MGAT4C: variants seen among roughly 807,000 people sequenced by gnomAD.
MGAT4C encodes alpha-1,3-mannosyl-glycoprotein 4-beta-N-acetylglucosaminyltransferase C.
A neutral mutation model predicts 40.1 loss-of-function variants in MGAT4C; 19 were observed. That is an observed-to-expected ratio of 0.47 (90% CI 0.33 to 0.70). The LOEUF (loss-of-function observed/expected upper bound fraction) is 0.70, where lower values mean the gene tolerates loss of function less well. Ranked by LOEUF, MGAT4C falls within the 30% of genes least tolerant of loss-of-function variation. The pLI is 0.02. For missense variants in MGAT4C, 491 were observed against 563.2 expected, an observed-to-expected ratio of 0.87 and a Z score of 1.30; for synonymous variants, 181 against 187.1, an observed-to-expected ratio of 0.97 and a Z score of 0.27.
At chr12:85,988,577 T>A (rs1885513918) in intron 3 of MGAT4C, among the ~76,000 whole-genome samples, 1 of 151,952 alleles carries the variant, frequency 6.6e-6, no homozygotes, top group Admixed American at 6.6e-5. Context: ...TAAATATTAA[T>A]AATAACATAC....
intron 2 of MGAT4C, among the ~76,000 whole-genome samples, chr12:86,036,840 A>C (rs915745041): frequency 1.3e-5 from 2 of 149,568 alleles, no homozygotes; most frequent in Non-Finnish European, 3.0e-5. Flanking sequence ...CCCTTTTTCT[A>C]TTGTTTGGAA....
At chr12:86,496,887 T>A (rs1958245457) in intron 2 of MGAT4C, among the ~76,000 whole-genome samples, 1 of 152,128 alleles carries the variant, frequency 6.6e-6, no homozygotes, top group African/African-American at 2.4e-5. Flanking sequence ...ACCTACTACC[T>A]ATATGGGTCT....
intron 2 of MGAT4C, among the ~76,000 whole-genome samples, chr12:86,692,601 G>A (rs770083747): frequency 5.9e-5 from 9 of 152,012 alleles, no homozygotes; most frequent in Non-Finnish European, 1.3e-4. Flanking sequence ...TAGTCACAGA[G>A]GTATATGACC....
At chr12:86,095,365 T>G (rs1330070006) in intron 1 of MGAT4C, among the ~76,000 whole-genome samples, 1 of 152,076 alleles carries the variant, frequency 6.6e-6, no homozygotes, top group Non-Finnish European at 1.5e-5. Flanking sequence ...TGGTTCTGAA[T>G]GCATATTTAA....
intron 4 of MGAT4C, among the ~76,000 whole-genome samples, chr12:86,318,222 T>G (rs1017795141): frequency 6.6e-6 from 1 of 152,288 alleles, no homozygotes; most frequent in African/African-American, 2.4e-5. Flanking sequence ...TTTTTTGTCA[T>G]TTTTCATATT....
At chr12:86,468,969 A>G (rs1442987520) in intron 2 of MGAT4C, among the ~76,000 whole-genome samples, 3 of 152,092 alleles carry the variant, frequency 2.0e-5, no homozygotes, top group African/African-American at 4.8e-5. Context: ...CTTTGTTTTC[A>G]TAACATAAAT....
intron 3 of MGAT4C, among the ~76,000 whole-genome samples, chr12:86,388,163 T>C (rs1259482167): frequency 6.6e-6 from 1 of 152,162 alleles, no homozygotes; most frequent in Non-Finnish European, 1.5e-5. Context: ...ATTAATAGAA[T>C]AGAGTTCTCA....
At chr12:86,508,922 T>C (rs1958521009) in intron 2 of MGAT4C, among the ~76,000 whole-genome samples, 1 of 151,266 alleles carries the variant, frequency 6.6e-6, no homozygotes, top group African/African-American at 2.4e-5. Flanking sequence ...TTTTTTCTTG[T>C]AAATTTGTTT....
At chr12:86,410,461 T>A (rs1176388378) in intron 3 of MGAT4C, among the ~76,000 whole-genome samples, 2 of 152,098 alleles carry the variant, frequency 1.3e-5, no homozygotes, top group Non-Finnish European at 2.9e-5. Flanking sequence ...CTCTCTGCAA[T>A]AAGAAAAAAT....
At chr12:86,280,350 T>C (rs1473526194) in intron 4 of MGAT4C, among the ~76,000 whole-genome samples, 3 of 152,002 alleles carry the variant, frequency 2.0e-5, no homozygotes, top group Non-Finnish European at 4.4e-5. Context: ...TTTATAATTA[T>C]TATATCCTGT....
chr12:86,277,655 C>T (rs117754725), intron 4 of MGAT4C, among the ~76,000 whole-genome samples: 5,028 of 152,248 alleles, frequency 0.033, 127 homozygotes, highest in Non-Finnish European at 0.046. Context: ...AAGAGACTGT[C>T]CTTTACCCAA....
At chr12:86,253,970 T>C (rs1952410978) in intron 1 of MGAT4C, among the ~76,000 whole-genome samples, 1 of 151,972 alleles carries the variant, frequency 6.6e-6, no homozygotes, top group Non-Finnish European at 1.5e-5. Flanking sequence ...CCCCAGCATA[T>C]GGAGTATGCA....
At chr12:86,502,864 CAT>C (rs761029198) in intron 2 of MGAT4C, among the ~76,000 whole-genome samples, 57 of 54,040 alleles carry the variant, frequency 1.1e-3, no homozygotes, top group Non-Finnish European at 1.3e-3. Context: ...GAGTTCTGCT[CAT>C]ATATATATAT....
chr12:86,623,844 A>G (rs1487264817), intron 2 of MGAT4C, among the ~76,000 whole-genome samples: 2 of 152,180 alleles, frequency 1.3e-5, no homozygotes, highest in South Asian at 4.1e-4. Context: ...AATTTAGCCC[A>G]TCTCCATCCA....
chr12:86,050,454 T>A (rs760244697), intron 1 of MGAT4C, among the ~76,000 whole-genome samples: 1 of 152,100 alleles, frequency 6.6e-6, no homozygotes, highest in Non-Finnish European at 1.5e-5. Context: ...TTTTGTATTA[T>A]CTTTTCCCAC....
intron 2 of MGAT4C, among the ~76,000 whole-genome samples, chr12:86,475,908 A>AT (rs1043440268): frequency 1.8e-4 from 28 of 151,924 alleles, no homozygotes; most frequent in Admixed American, 1.7e-3. Flanking sequence ...TTTCTGTGTT[A>AT]TTTTTTACTT....
chr12:86,593,333 T>G (rs1026367788), intron 2 of MGAT4C, among the ~76,000 whole-genome samples: 1 of 152,144 alleles, frequency 6.6e-6, no homozygotes, highest in Non-Finnish European at 1.5e-5. Flanking sequence ...GCTTTTGGTT[T>G]CATTGATTTT....
At chr12:86,111,515 C>T (rs956945287) in intron 1 of MGAT4C, among the ~76,000 whole-genome samples, 10 of 151,730 alleles carry the variant, frequency 6.6e-5, no homozygotes, top group Non-Finnish European at 1.2e-4. Flanking sequence ...TAGCAATCCT[C>T]TATTTAATTA....
intron 1 of MGAT4C, among the ~76,000 whole-genome samples, chr12:86,090,727 TG>T (rs1872735131): frequency 6.6e-6 from 1 of 151,890 alleles, no homozygotes; most frequent in Admixed American, 6.6e-5. Context: ...AAAGCCACAG[TG>T]AGCTTGGACT....
Sources: allele counts gnomAD v4.1 joint callset (sites outside exome capture counted in the v4.1 genomes callset), GRCh38; gene constraint gnomAD v4.1.1; transcripts MANE v1.5; gene names NCBI Gene and HGNC (gene_info 2026-07-23, HGNC 2026-07-21).